SLC9A9: variants seen among roughly 807,000 people sequenced by gnomAD.
The protein encoded by SLC9A9 is solute carrier family 9 member A9, also known as sodium/hydrogen exchanger 9.
A neutral mutation model predicts 77.8 loss-of-function variants in SLC9A9; 62 were observed. The ratio of observed to expected loss-of-function variants is 0.80; its 90% CI spans 0.65 to 0.98. The LOEUF is 0.98. Among genes scored for constraint, SLC9A9 ranks in the 50% least tolerant of loss-of-function variants. The pLI is 0.00. For synonymous variants in SLC9A9, 320 were observed against 283.5 expected, an observed-to-expected ratio of 1.13 and a Z score of -1.29; for missense variants, 775 against 774.9, an observed-to-expected ratio of 1.00 and a Z score of 0.00.
At chr3:143,768,790 C>A (rs2007415770) in intron 4 of SLC9A9, among the ~76,000 whole-genome samples, 1 of 152,116 alleles carries the variant, frequency 6.6e-6, no homozygotes, top group South Asian at 2.1e-4. Context: ...ATGCTGACAT[C>A]CTAATGCTAT....
chr3:143,418,840 G>A (rs916862012), intron 12 of SLC9A9, among the ~76,000 whole-genome samples: 4 of 152,148 alleles, frequency 2.6e-5, no homozygotes, highest in African/African-American at 9.7e-5. Context: ...TGCTGGCAGG[G>A]AGAAGGCATG....
At chr3:143,399,000 C>T (rs2033791198) in intron 12 of SLC9A9, among the ~76,000 whole-genome samples, 1 of 115,054 alleles carries the variant, frequency 8.7e-6, no homozygotes, top group African/African-American at 3.7e-5. Flanking sequence ...TGTATACACA[C>T]ACACACATAC....
Position 143,656,237 on chromosome 3 carries a change from G to T in SLC9A9, c.650-3877C>A, listed in dbSNP as rs536773878. Among the ~76,000 whole-genome samples the T allele has an allele frequency of 1.2e-4, 19 of 152,294 alleles. No homozygotes were observed. The South Asian group carries it at 3.7e-3, about 30-fold the overall frequency. On this transcript the variant is annotated intron_variant, in intron 5 of 15. Transcript: ENST00000316549. ...ATAGGATAATTCTCAGTCTGTAAGA[G>T]AAAAACTGTAACACTAAAATGATAT...
chr3:143,565,272 G>A (rs1405447950), intron 8 of SLC9A9, among the ~76,000 whole-genome samples: 4 of 152,078 alleles, frequency 2.6e-5, no homozygotes, highest in Non-Finnish European at 4.4e-5. Flanking sequence ...TAAAAAACCC[G>A]GGAATTATCT....
rs1246299823 is a variant in SLC9A9 at position 143,652,375 on chromosome 3, A to G, written c.650-15T>C. The G allele has an allele frequency of 1.2e-6, 2 of 1,603,052 alleles. No individual in the cohort carries two copies. Among genetic ancestry groups the G allele is most frequent in the Admixed American group, 3.4e-5 (2 of 59,370 alleles). ...CAGCACTGTCACTAGGAAGACACAC[A>G]CAAACATGCAGGTTAGCTTGGATGC... is the stretch of plus-strand genomic sequence containing the variant. On this transcript the variant is annotated splice_polypyrimidine_tract_variant and intron_variant, in intron 5 of 15. Transcript: ENST00000316549.
intron 12 of SLC9A9, among the ~76,000 whole-genome samples, chr3:143,445,589 G>A (rs560902311): frequency 2.7e-4 from 41 of 152,232 alleles, no homozygotes; most frequent in Non-Finnish European, 4.3e-4. Flanking sequence ...ACAGAGTCAA[G>A]CCGAGCTGAG....
rs182562914 is a variant in SLC9A9 at position 143,641,628 on chromosome 3, C to T, written c.755+10627G>A. Among the ~76,000 whole-genome samples the T allele has an allele frequency of 4.2e-3, 643 of 152,144 alleles. 2 individuals are homozygous for T. Among genetic ancestry groups the T allele is most frequent in the African/African-American group, 0.013 (520 of 41,536 alleles). Reference sequence around the variant, plus strand: ...CAGGATGGTCTCGATCTCCTGACCTCGTGATCCGCCAGCCTTGGCCTCCCA... The same window carrying T: ...CAGGATGGTCTCGATCTCCTGACCTTGTGATCCGCCAGCCTTGGCCTCCCA... On this transcript the variant is annotated intron_variant, in intron 6 of 15. Coordinates refer to ENST00000316549, the MANE Select transcript of SLC9A9 (RefSeq NM_173653.4).
intron 11 of SLC9A9, among the ~76,000 whole-genome samples, chr3:143,477,330 ATT>A (rs59195338): frequency 0.029 from 2,902 of 99,948 alleles, 57 homozygotes; most frequent in East Asian, 0.13. Flanking sequence ...GGCTTCTTCA[ATT>A]TTTTTTTTTT....
intron 12 of SLC9A9, among the ~76,000 whole-genome samples, chr3:143,400,946 G>A (rs1319915733): frequency 6.6e-6 from 1 of 152,044 alleles, no homozygotes; most frequent in African/African-American, 2.4e-5. Flanking sequence ...GATCGTGGGT[G>A]AAGTAACAAC....
At chr3:143,846,997 T>C (rs1039828695) in intron 1 of SLC9A9, among the ~76,000 whole-genome samples, 1 of 152,186 alleles carries the variant, frequency 6.6e-6, no homozygotes, top group African/African-American at 2.4e-5. Context: ...ATCAGCCTCC[T>C]GAGCCTGAAA....
chr3:143,356,417 G>A (rs1559880812), intron 14 of SLC9A9, among the ~76,000 whole-genome samples: 1 of 152,126 alleles, frequency 6.6e-6, no homozygotes, highest in Non-Finnish European at 1.5e-5. Context: ...GTTGTTACCT[G>A]AACAAAAGAC....
chr3:143,611,670 C>T (rs185873318), intron 6 of SLC9A9, among the ~76,000 whole-genome samples: 2 of 152,166 alleles, frequency 1.3e-5, no homozygotes, highest in Admixed American at 1.3e-4. Context: ...CAGAGTGGAT[C>T]TTGGATGGAA....
intron 14 of SLC9A9, among the ~76,000 whole-genome samples, chr3:143,293,552 C>G (rs1209624001): frequency 2.0e-5 from 3 of 152,078 alleles, no homozygotes; most frequent in Admixed American, 6.5e-5. Context: ...ATTGCCAGTA[C>G]TTATAGGAAA....
intron 12 of SLC9A9, among the ~76,000 whole-genome samples, chr3:143,461,903 A>G (rs1296062328): frequency 6.6e-6 from 1 of 152,206 alleles, no homozygotes; most frequent in Non-Finnish European, 1.5e-5. Flanking sequence ...CTCTGCTATT[A>G]TTTAAGACTT....
At chr3:143,798,240 C>G (rs578235866) in intron 2 of SLC9A9, among the ~76,000 whole-genome samples, 1 of 152,132 alleles carries the variant, frequency 6.6e-6, no homozygotes, top group Non-Finnish European at 1.5e-5. Flanking sequence ...ACATTTTATC[C>G]GTGGACCCCA....
chr3:143,541,393 G>A (rs967227161), intron 9 of SLC9A9, among the ~76,000 whole-genome samples: 11 of 152,108 alleles, frequency 7.2e-5, no homozygotes, highest in African/African-American at 2.4e-4. Context: ...CTTGAGACAC[G>A]GAAGCCCTGA....
At chr3:143,772,237 A>G (rs981062422) in intron 4 of SLC9A9, among the ~76,000 whole-genome samples, 1 of 152,032 alleles carries the variant, frequency 6.6e-6, no homozygotes, top group Non-Finnish European at 1.5e-5. Flanking sequence ...GAATCAGCGT[A>G]CCCAACTAAC....
chr3:143,461,335 A>G (rs747380043), intron 12 of SLC9A9, among the ~76,000 whole-genome samples: 1 of 152,202 alleles, frequency 6.6e-6, no homozygotes, highest in Non-Finnish European at 1.5e-5. Context: ...TAAACCTTCC[A>G]GAGACTATTT....
intron 6 of SLC9A9, among the ~76,000 whole-genome samples, chr3:143,611,225 A>G (rs1488812253): frequency 6.6e-6 from 1 of 152,216 alleles, no homozygotes; most frequent in African/African-American, 2.4e-5. Flanking sequence ...TTGATAGAAT[A>G]TAGATAAAAA....
Sources: allele counts gnomAD v4.1 joint callset (sites outside exome capture counted in the v4.1 genomes callset), GRCh38; gene constraint gnomAD v4.1.1; transcripts MANE v1.5; gene names NCBI Gene and HGNC (gene_info 2026-07-23, HGNC 2026-07-21).